VPS13B: variants seen among roughly 807,000 people sequenced by gnomAD.
VPS13B encodes intermembrane lipid transfer protein VPS13B.
A neutral mutation model predicts 426.4 loss-of-function variants in VPS13B; 285 were observed. The observed-to-expected ratio is 0.67, with a 90% confidence interval of 0.61 to 0.74. The LOEUF (loss-of-function observed/expected upper bound fraction) is 0.74, where lower values mean the gene tolerates loss of function less well. Ranked by LOEUF, VPS13B falls within the 30% of genes least tolerant of loss-of-function variation. VPS13B has a pLI of 0.00. For missense variants in VPS13B, 4,537 were observed against 4,782.6 expected, an observed-to-expected ratio of 0.95 and a Z score of 1.51; for synonymous variants, 1,676 against 1,676.4, an observed-to-expected ratio of 1.00 and a Z score of 0.01.
intron 43 of VPS13B, among the ~76,000 whole-genome samples, chr8:99,793,177 C>G (rs538068395): frequency 2.0e-4 from 30 of 148,584 alleles, no homozygotes; most frequent in African/African-American, 7.4e-4. Flanking sequence ...GCACTCCAGC[C>G]TGGGCAACAG....
At chr8:99,302,500 A>G (rs1193330972) in intron 19 of VPS13B, among the ~76,000 whole-genome samples, 1 of 152,038 alleles carries the variant, frequency 6.6e-6, no homozygotes, top group Non-Finnish European at 1.5e-5. Flanking sequence ...CAATTTATTG[A>G]ATACTCTATT....
At chr8:99,787,596 G>T (rs535032955) in intron 43 of VPS13B, among the ~76,000 whole-genome samples, 1 of 152,268 alleles carries the variant, frequency 6.6e-6, no homozygotes, top group South Asian at 2.1e-4. Flanking sequence ...CTTCAAAGAA[G>T]TATGTCACAT....
intron 19 of VPS13B, among the ~76,000 whole-genome samples, chr8:99,368,345 A>G (rs1363516451): frequency 2.6e-5 from 4 of 152,106 alleles, no homozygotes; most frequent in East Asian, 3.8e-4. Context: ...CACACACACA[A>G]TGTTAGCTTA....
chr8:99,673,068 C>G, intron 35 of VPS13B, among the ~76,000 whole-genome samples: 1 of 151,956 alleles, frequency 6.6e-6, no homozygotes, highest in East Asian at 1.9e-4. Context: ...TATGTTCATC[C>G]TGGATATTGG....
chr8:99,393,115 C>T (rs2133316316), intron 21 of VPS13B, among the ~76,000 whole-genome samples: 1 of 151,486 alleles, frequency 6.6e-6, no homozygotes, highest in Admixed American at 6.6e-5. Context: ...TGCATGTAAA[C>T]CATATATTTA....
chr8:99,271,078 A>T (rs1818565317), intron 17 of VPS13B, among the ~76,000 whole-genome samples: 2 of 152,268 alleles, frequency 1.3e-5, no homozygotes, highest in South Asian at 4.1e-4. Context: ...CGAATAAATG[A>T]AATAAACTAG....
At chr8:99,818,245 T>G (rs1442224424) in intron 45 of VPS13B, among the ~76,000 whole-genome samples, 1 of 152,214 alleles carries the variant, frequency 6.6e-6, no homozygotes, top group Non-Finnish European at 1.5e-5. Context: ...TCTTTGTCTT[T>G]ATGGAAAGAG....
At chr8:99,389,090 A>G (rs1185757764) in intron 20 of VPS13B, among the ~76,000 whole-genome samples, 2 of 152,142 alleles carry the variant, frequency 1.3e-5, no homozygotes, top group Non-Finnish European at 2.9e-5. Flanking sequence ...CAGATGTTGC[A>G]GTGAACCAAG....
At chr8:99,125,576 AT>A (rs1563555320) in intron 8 of VPS13B, among the ~76,000 whole-genome samples, 1 of 152,232 alleles carries the variant, frequency 6.6e-6, no homozygotes, top group African/African-American at 2.4e-5. Flanking sequence ...TATTTAGAAT[AT>A]GCAAAATCAC....
At chr8:99,128,985 A>C (rs1809601243) in intron 8 of VPS13B, among the ~76,000 whole-genome samples, 1 of 152,150 alleles carries the variant, frequency 6.6e-6, no homozygotes, top group South Asian at 2.1e-4. Flanking sequence ...TAAAAAAAAA[A>C]ATTTACAAAT....
intron 2 of VPS13B, among the ~76,000 whole-genome samples, chr8:99,021,269 C>G (rs185481377): frequency 2.0e-5 from 3 of 152,144 alleles, no homozygotes; most frequent in Non-Finnish European, 4.4e-5. Context: ...TGCTCTAAAT[C>G]GTTATATGTA....
chr8:99,469,058 G>A (rs987550784), intron 24 of VPS13B, among the ~76,000 whole-genome samples: 3 of 151,744 alleles, frequency 2.0e-5, no homozygotes, highest in Admixed American at 6.6e-5. Flanking sequence ...TTATAAAAAT[G>A]CATTTAATTG....
intron 17 of VPS13B, among the ~76,000 whole-genome samples, chr8:99,202,365 A>G (rs546109391): frequency 3.9e-5 from 6 of 152,352 alleles, no homozygotes; most frequent in Middle Eastern, 3.4e-3. Flanking sequence ...TGTATGATGA[A>G]TAAATATTTT....
chr8:99,234,547 G>A, intron 17 of VPS13B: 1 of 452,498 alleles, frequency 2.2e-6, no homozygotes, highest in Non-Finnish European at 4.3e-6. Context: ...GCAGGGCTGG[G>A]GTTCGGGGGC....
intron 3 of VPS13B, among the ~76,000 whole-genome samples, chr8:99,054,401 ATTGT>A (rs1843725302): frequency 1.3e-5 from 2 of 152,162 alleles, no homozygotes; most frequent in Admixed American, 1.3e-4. Context: ...TTAAAATTCA[ATTGT>A]TTGTCTTTTT....
chr8:99,726,244 A>G (rs1459968760), intron 39 of VPS13B, among the ~76,000 whole-genome samples: 1 of 152,258 alleles, frequency 6.6e-6, no homozygotes, highest in African/African-American at 2.4e-5. Context: ...TGGTCAGCTT[A>G]TAATTTTATC....
At chr8:99,812,524 C>T (rs991331083) in intron 44 of VPS13B, among the ~76,000 whole-genome samples, 2 of 152,206 alleles carry the variant, frequency 1.3e-5, no homozygotes, top group African/African-American at 4.8e-5. Flanking sequence ...GGAGAATTGG[C>T]TAAAGCTCTT....
intron 44 of VPS13B, among the ~76,000 whole-genome samples, chr8:99,815,027 G>A (rs888712960): frequency 1.4e-5 from 2 of 144,406 alleles, no homozygotes; most frequent in Admixed American, 1.5e-4. Flanking sequence ...AGTCACAGTA[G>A]CACCTACTTT....
At chr8:99,451,571 G>A (rs1818199774) in intron 23 of VPS13B, among the ~76,000 whole-genome samples, 2 of 152,148 alleles carry the variant, frequency 1.3e-5, no homozygotes, top group African/African-American at 2.4e-5. Flanking sequence ...TCTGGTAAGT[G>A]CTCGGTAAAA....
Sources: allele counts gnomAD v4.1 joint callset (sites outside exome capture counted in the v4.1 genomes callset), GRCh38; gene constraint gnomAD v4.1.1; transcripts MANE v1.5; gene names NCBI Gene and HGNC (gene_info 2026-07-23, HGNC 2026-07-21).